Variants in ZNF407 observed in about 807,000 individuals in gnomAD.
ZNF407 encodes the protein zinc finger protein 407.
Under a neutral mutation model 131.2 loss-of-function variants are expected in ZNF407, and 17 were observed. That is an observed-to-expected ratio of 0.13 (90% CI 0.09 to 0.19). The LOEUF is 0.19. Ranked by LOEUF, ZNF407 falls within the 10% of genes least tolerant of loss-of-function variation. ZNF407 has a pLI of 1.00. For synonymous variants in ZNF407, 1,156 were observed against 1,062.0 expected, an observed-to-expected ratio of 1.09 and a Z score of -1.72; for missense variants, 2,681 against 2,830.6, an observed-to-expected ratio of 0.95 and a Z score of 1.20.
At chr18:75,057,678 C>T (rs1037223792) in intron 8 of ZNF407, among the ~76,000 whole-genome samples, 3 of 152,120 alleles carry the variant, frequency 2.0e-5, no homozygotes, top group Admixed American at 1.3e-4. Flanking sequence ...ATTGATTGTT[C>T]TATAAACCCA....
At chr18:74,724,370 T>C (rs919677317) in intron 3 of ZNF407, among the ~76,000 whole-genome samples, 14 of 152,174 alleles carry the variant, frequency 9.2e-5, no homozygotes, top group Admixed American at 9.2e-4. Flanking sequence ...CTAGGTATTT[T>C]GAAATACACT....
intron 8 of ZNF407, among the ~76,000 whole-genome samples, chr18:74,959,566 T>C (rs115728827): frequency 0.015 from 2,351 of 152,334 alleles, 68 homozygotes; most frequent in African/African-American, 0.052. Flanking sequence ...TTGAATTTTT[T>C]TCTATGCCCA....
chr18:75,020,633 A>G lies in ZNF407; in HGVS notation c.5429-42517A>G, dbSNP rs896697296. 2.0e-5 allele frequency among the ~76,000 whole-genome samples: 3 copies of G among 152,214 alleles called. No homozygotes were observed. The South Asian group carries it at 6.2e-4, about 32-fold the overall frequency. ...ATATACAAAACTGAAGAGTCTTTCTATATTAGAGCTATAATCAATTAGAAA... is the reference window on the plus strand; with the variant it reads ...ATATACAAAACTGAAGAGTCTTTCTGTATTAGAGCTATAATCAATTAGAAA... On this transcript the variant is annotated intron_variant, in intron 8 of 8. Transcript: ENST00000299687.
chr18:74,732,400 T>A (rs1968314437), intron 3 of ZNF407, among the ~76,000 whole-genome samples: 2 of 152,194 alleles, frequency 1.3e-5, no homozygotes, highest in South Asian at 2.1e-4. Flanking sequence ...GACATGAACA[T>A]CTGTCTTGAG....
intron 8 of ZNF407, among the ~76,000 whole-genome samples, chr18:75,029,650 C>T (rs568162272): frequency 5.0e-4 from 76 of 152,298 alleles, no homozygotes; most frequent in African/African-American, 8.4e-4. Flanking sequence ...CGTGTGCATG[C>T]GCAGGGCATG....
intron 8 of ZNF407, among the ~76,000 whole-genome samples, chr18:74,950,027 AAG>A (rs1404128385): frequency 6.6e-6 from 1 of 152,184 alleles, no homozygotes; most frequent in Non-Finnish European, 1.5e-5. Context: ...GCAGCAGTAG[AAG>A]AGTGTTTGAG....
At chr18:74,812,701 C>G (rs529585101) in intron 4 of ZNF407, among the ~76,000 whole-genome samples, 1 of 152,274 alleles carries the variant, frequency 6.6e-6, no homozygotes, top group African/African-American at 2.4e-5. Context: ...CTGCCTCACC[C>G]TGTTCTTCTG....
chr18:74,605,026 A>G (rs1278838890), intron 1 of ZNF407, among the ~76,000 whole-genome samples: 2 of 152,230 alleles, frequency 1.3e-5, no homozygotes, highest in Non-Finnish European at 1.5e-5. Context: ...GAACAGAGCC[A>G]GATGGTTTAA....
intron 3 of ZNF407, among the ~76,000 whole-genome samples, chr18:74,748,450 A>G (rs1184015562): frequency 6.6e-6 from 1 of 152,146 alleles, no homozygotes; most frequent in Non-Finnish European, 1.5e-5. Flanking sequence ...TTAATTTAAA[A>G]TTAGCTGACA....
chr18:74,854,726 C>T (rs754351701), intron 4 of ZNF407, among the ~76,000 whole-genome samples: 2 of 151,976 alleles, frequency 1.3e-5, no homozygotes, highest in African/African-American at 4.8e-5. Context: ...CAGACACACA[C>T]ACATAGCCTA....
intron 3 of ZNF407, among the ~76,000 whole-genome samples, chr18:74,644,809 C>A (rs1984891306): frequency 1.3e-5 from 2 of 151,772 alleles, no homozygotes; most frequent in Admixed American, 1.3e-4. Context: ...TTAACTATTT[C>A]TTTTCTATAT....
intron 8 of ZNF407, among the ~76,000 whole-genome samples, chr18:75,034,398 G>T (rs568848625): frequency 6.6e-5 from 10 of 150,506 alleles, no homozygotes; most frequent in African/African-American, 2.2e-4. Flanking sequence ...CCGCCTCCCG[G>T]GTTCATGCCA....
At chr18:74,816,812 G>T (rs1202491842) in intron 4 of ZNF407, among the ~76,000 whole-genome samples, 3 of 152,052 alleles carry the variant, frequency 2.0e-5, no homozygotes, top group East Asian at 1.9e-4. Flanking sequence ...ATAAAGACAT[G>T]AACTTATTAA....
chr18:74,875,161 T>C (rs1421264272), intron 4 of ZNF407, among the ~76,000 whole-genome samples: 1 of 152,242 alleles, frequency 6.6e-6, no homozygotes, highest in East Asian at 1.9e-4. Flanking sequence ...TCTTGATCTT[T>C]ATAAGGACAG....
At chr18:74,870,149 C>T (rs566712995) in intron 4 of ZNF407, among the ~76,000 whole-genome samples, 8 of 152,260 alleles carry the variant, frequency 5.3e-5, no homozygotes, top group Admixed American at 1.3e-4. Context: ...ATGCTCCTCC[C>T]AGAAGTTATT....
At chr18:74,604,993 T>A (rs1211414200) in intron 1 of ZNF407, among the ~76,000 whole-genome samples, 1 of 152,228 alleles carries the variant, frequency 6.6e-6, no homozygotes, top group East Asian at 1.9e-4. Flanking sequence ...TTGACATTCT[T>A]ACCCTTATTA....
At chr18:74,600,521 C>T (rs1230074966) in intron 1 of ZNF407, among the ~76,000 whole-genome samples, 2 of 152,112 alleles carry the variant, frequency 1.3e-5, no homozygotes, top group African/African-American at 2.4e-5. Flanking sequence ...CTCGCAAAGA[C>T]CCACACCTCA....
intron 4 of ZNF407, among the ~76,000 whole-genome samples, chr18:74,819,836 C>G (rs1194239059): frequency 6.6e-6 from 1 of 152,210 alleles, no homozygotes; most frequent in African/African-American, 2.4e-5. Flanking sequence ...TTCTTCACCC[C>G]TTACAGGACC....
chr18:74,692,429 C>T (rs542724123), intron 3 of ZNF407, among the ~76,000 whole-genome samples: 62 of 152,232 alleles, frequency 4.1e-4, no homozygotes, highest in Non-Finnish European at 2.1e-4. Context: ...GCTCTCCTTC[C>T]ATGCTCGTGA....
Sources: allele counts gnomAD v4.1 joint callset (sites outside exome capture counted in the v4.1 genomes callset), GRCh38; gene constraint gnomAD v4.1.1; transcripts MANE v1.5; gene names NCBI Gene and HGNC (gene_info 2026-07-23, HGNC 2026-07-21).